Variants in RELN observed in about 807,000 individuals in gnomAD.
RELN encodes the protein reelin.
Under a neutral mutation model 427.6 loss-of-function variants are expected in RELN, and 108 were observed. The observed-to-expected ratio is 0.25, with a 90% confidence interval of 0.22 to 0.30. The LOEUF is 0.30. Ranked by LOEUF, RELN falls within the 10% of genes least tolerant of loss-of-function variation. The pLI is 1.00. For synonymous variants in RELN, 1,524 were observed against 1,513.4 expected (o/e 1.01, Z -0.16); for missense variants, 3,715 against 4,302.8 (o/e 0.86, Z 3.82).
chr7:103,897,516 C>T (rs28422835), intron 2 of RELN, among the ~76,000 whole-genome samples: 18,002 of 151,964 alleles, frequency 0.12, 1,346 homozygotes, highest in East Asian at 0.32. Context: ...AATATTACTT[C>T]ATTAAACGTT....
At chr7:103,961,134 CTG>C (rs1233774641) in intron 1 of RELN, among the ~76,000 whole-genome samples, 1 of 152,240 alleles carries the variant, frequency 6.6e-6, no homozygotes, top group Non-Finnish European at 1.5e-5. Context: ...TTATAGGTAC[CTG>C]TATTCTTCAC....
chr7:103,714,873 C>T (rs1478763623), intron 8 of RELN, among the ~76,000 whole-genome samples: 1 of 152,104 alleles, frequency 6.6e-6, no homozygotes, highest in African/African-American at 2.4e-5. Context: ...AACAGAAATC[C>T]TCTAATTACT....
At chr7:103,690,578 C>T (rs987657842) in intron 10 of RELN, among the ~76,000 whole-genome samples, 1 of 152,098 alleles carries the variant, frequency 6.6e-6, no homozygotes, top group Non-Finnish European at 1.5e-5. Context: ...ATCATATACA[C>T]AAGTACAAAG....
At chr7:103,579,568 C>T (rs548365681) in intron 28 of RELN, among the ~76,000 whole-genome samples, 6 of 145,162 alleles carry the variant, frequency 4.1e-5, no homozygotes, top group East Asian at 4.0e-4. Flanking sequence ...CCCTGCACTC[C>T]GGTCTTGGTG....
Position 103,566,429 on chromosome 7 carries a change from A to G in RELN, c.4748-17T>C. The G allele has an allele frequency of 6.2e-7, 1 of 1,613,092 alleles. No homozygotes were observed. Among genetic ancestry groups the G allele is most frequent in the Non-Finnish European group, 8.5e-7 (1 of 1,179,046 alleles). ...AATGCTTCCCTGCAATCAGATGAATAAAGGTGGTTAGAGAAGTTTTGTTAC... is the reference window on the plus strand; with the variant it reads ...AATGCTTCCCTGCAATCAGATGAATGAAGGTGGTTAGAGAAGTTTTGTTAC... On this transcript the variant is annotated splice_polypyrimidine_tract_variant and intron_variant, in intron 32 of 64. Transcript: ENST00000428762.
chr7:103,916,432 A>G (rs551916646), intron 2 of RELN, among the ~76,000 whole-genome samples: 1 of 152,270 alleles, frequency 6.6e-6, no homozygotes, highest in Admixed American at 6.5e-5. Flanking sequence ...TGAAGGATCT[A>G]CTTAATCCCA....
At chr7:103,476,340 C>A (rs1828030380) in intron 64 of RELN, among the ~76,000 whole-genome samples, 1 of 151,954 alleles carries the variant, frequency 6.6e-6, no homozygotes, top group South Asian at 2.1e-4. Context: ...GCACGCCAGG[C>A]ATGGTGGTAC....
chr7:103,514,763 G>T (rs1829518471), intron 50 of RELN, among the ~76,000 whole-genome samples: 1 of 152,152 alleles, frequency 6.6e-6, no homozygotes, highest in Non-Finnish European at 1.5e-5. Flanking sequence ...CATGACCTAA[G>T]ACATGAAATG....
intron 28 of RELN, among the ~76,000 whole-genome samples, chr7:103,583,118 G>T (rs1195306426): frequency 6.6e-6 from 1 of 152,138 alleles, no homozygotes; most frequent in East Asian, 1.9e-4. Context: ...TTTCTAGGGA[G>T]AAAGAAAGCT....
intron 6 of RELN, among the ~76,000 whole-genome samples, chr7:103,741,937 G>A (rs1790672652): frequency 6.6e-6 from 1 of 152,158 alleles, no homozygotes; most frequent in African/African-American, 2.4e-5. Flanking sequence ...CCCGCACGCA[G>A]CTTGAGATCT....
At chr7:103,766,830 C>T (rs1791435508) in intron 4 of RELN, among the ~76,000 whole-genome samples, 1 of 152,194 alleles carries the variant, frequency 6.6e-6, no homozygotes, top group Admixed American at 6.5e-5. Flanking sequence ...CAGAAAGCAG[C>T]CAAGGTTTTC....
Position 103,817,956 on chromosome 7 carries a change from A to G in RELN, c.473+15581T>C, listed in dbSNP as rs1429362139. 1.6e-3 allele frequency among the ~76,000 whole-genome samples: 247 copies of G among 150,664 alleles called. 2 individuals carry two copies. Among genetic ancestry groups the G allele is most frequent in the African/African-American group, 5.8e-3 (237 of 41,190 alleles). On this transcript the variant is annotated intron_variant, in intron 3 of 64. Coordinates refer to ENST00000428762, the MANE Select transcript of RELN (RefSeq NM_005045.4). ...CCATCTCAAAAAAAAAAAAAAAAAA[A>G]AAAAAGAAAAGAAAAAAAGTGAATT...
At chr7:103,800,336 C>A (rs1009837331) in intron 3 of RELN, among the ~76,000 whole-genome samples, 4 of 152,116 alleles carry the variant, frequency 2.6e-5, no homozygotes, top group African/African-American at 9.7e-5. Context: ...TTCTTATACA[C>A]CAATAACAGA....
At chr7:103,809,259 A>G (rs1792675795) in intron 3 of RELN, among the ~76,000 whole-genome samples, 1 of 152,082 alleles carries the variant, frequency 6.6e-6, no homozygotes, top group Non-Finnish European at 1.5e-5. Context: ...GTCTCAAAAA[A>G]TGTTTCTGTT....
intron 19 of RELN, among the ~76,000 whole-genome samples, chr7:103,631,820 A>G (rs1055663485): frequency 3.9e-5 from 6 of 152,090 alleles, no homozygotes; most frequent in African/African-American, 1.2e-4. Context: ...TAAATAAACT[A>G]TATTTAAACT....
intron 1 of RELN, among the ~76,000 whole-genome samples, chr7:103,938,718 T>A (rs1473192406): frequency 6.6e-6 from 1 of 152,192 alleles, no homozygotes; most frequent in Admixed American, 6.5e-5. Flanking sequence ...AGTCACCACA[T>A]TAGGACCTCA....
chr7:103,522,104 T>C lies in RELN; in HGVS notation c.7586A>G (p.Gln2529Arg). The change falls in exon 48 of 65, where the codon CAG becomes CGG. Residue 2529 changes from glutamine to arginine, a missense_variant. Around this residue, in one of 4 missense-constraint regions of RELN, gnomAD observed 1,310 missense variants for 1,643.0 expected, o/e 0.80. Transcript: ENST00000428762. The stretch of plus-strand genomic sequence containing the variant: ...CCCTCCGTTCACAGTCAGCCAGTTC[T>C]GACTGGATGGAGCTCGATTGAAGTT... ...KDNFNRAPSS[Q>R]NWLTVNGGKL... The C allele has an allele frequency of 6.2e-7, 1 of 1,614,122 alleles. No homozygotes were observed. Among genetic ancestry groups the C allele is most frequent in the Non-Finnish European group, 8.5e-7 (1 of 1,180,018 alleles).
At chr7:103,765,364 C>T (rs896356079) in intron 4 of RELN, among the ~76,000 whole-genome samples, 7 of 152,118 alleles carry the variant, frequency 4.6e-5, no homozygotes, top group African/African-American at 1.7e-4. Context: ...CTATAAGCTT[C>T]TTAACAATGG....
rs1454286252 is a variant in RELN at position 103,589,766 on chromosome 7, A to G, written c.3975T>C (p.His1325=). Residue 1325 remains histidine (H), a synonymous_variant, in exon 28 of 65, where the codon CAT becomes CAC. Coordinates refer to ENST00000428762, the MANE Select transcript of RELN (RefSeq NM_005045.4). ...STAPVLLQYS[H]DAGMSWFLVK... ...CCAGAAACCAGGACATACCAGCATC[A>G]TGAGAGTACTGAAGAAGAACTGGAG... The G allele has an allele frequency of 6.2e-7, 1 of 1,613,908 alleles. No homozygotes were observed. The highest frequency in any genetic ancestry group is 1.3e-5 in the African/African-American group (1 of 75,054).
Sources: allele counts gnomAD v4.1 joint callset (sites outside exome capture counted in the v4.1 genomes callset), GRCh38; gene constraint gnomAD v4.1.1; regional missense constraint gnomAD v4.1.1; transcripts MANE v1.5; gene names NCBI Gene and HGNC (gene_info 2026-07-23, HGNC 2026-07-21).